The following VWCE variants were observed in gnomAD, a reference collection of about 807,000 sequenced individuals.
The protein encoded by VWCE is von Willebrand factor C and EGF domain-containing protein.
VWCE carries 68 observed loss-of-function variants against 102.9 expected under a neutral mutation model. The observed-to-expected ratio is 0.66, with a 90% confidence interval of 0.54 to 0.81. The LOEUF is 0.81. Ranked by LOEUF, VWCE falls within the 30% of genes least tolerant of loss-of-function variation. VWCE has a pLI of 0.00. For synonymous variants in VWCE, 497 were observed against 515.4 expected (o/e 0.96, Z 0.48); for missense variants, 1,137 against 1,263.6 (o/e 0.90, Z 1.52).
In VWCE at chr11:61,290,881, G is replaced by T; in HGVS notation, c.342C>A (p.Asn114Lys). The T allele has an allele frequency of 6.2e-7, 1 of 1,613,890 alleles. No homozygotes were observed. The highest frequency in any genetic ancestry group is 8.5e-7 in the Non-Finnish European group (1 of 1,180,014). Reference protein sequence around the residue: ...CGEYGCDLTCNHGGCQEVARV... With the variant: ...CGEYGCDLTCKHGGCQEVARV... ...GGGCCACCTCCTGACAGCCTCCATG[G>T]TTGCAGGTAAGGTCACAGCCGTACT... The change falls in exon 4 of 20, where the codon AAC (asparagine) becomes AAA (lysine). Residue 114 changes from asparagine (N) to lysine (K), a missense_variant. Transcript: ENST00000335613.
At position 61,271,674 on chromosome 11, in the gene VWCE, C is replaced by T. The variant is rs1334925228; in HGVS notation, c.1785+1G>A. The T allele has an allele frequency of 1.2e-6, 2 of 1,611,606 alleles. No homozygotes were observed. Among genetic ancestry groups the T allele is most frequent in the Non-Finnish European group, 1.7e-6 (2 of 1,178,924 alleles). ...CTGAAGGCGAGCAGGTTGTCATTCACCTGGCAGATGCATAACTCACAGGGG... is the reference window on the plus strand; with the variant it reads ...CTGAAGGCGAGCAGGTTGTCATTCATCTGGCAGATGCATAACTCACAGGGG... On this transcript the variant is annotated splice_donor_variant, in intron 14 of 19. Coordinates refer to ENST00000335613, the MANE Select transcript of VWCE (RefSeq NM_152718.2). LOFTEE classifies it high-confidence loss of function.
At chr11:61,289,168 A>G (rs1855422060) in intron 4 of VWCE, among the ~76,000 whole-genome samples, 1 of 152,044 alleles carries the variant, frequency 6.6e-6, no homozygotes. Context: ...CTGGTGAAAC[A>G]CTGCAAACCT....
intron 4 of VWCE, among the ~76,000 whole-genome samples, chr11:61,288,806 C>G (rs2134846873): frequency 6.6e-6 from 1 of 151,064 alleles, no homozygotes; most frequent in African/African-American, 2.4e-5. Context: ...GGGAAATAAT[C>G]AGAGAAGCTG....
chr11:61,281,244 G>C lies in VWCE; in HGVS notation c.788-9C>G. On this transcript the variant is annotated splice_polypyrimidine_tract_variant and intron_variant, in intron 7 of 19. Coordinates refer to ENST00000335613, the MANE Select transcript of VWCE (RefSeq NM_152718.2). Reference sequence around the variant, plus strand: ...CACGGCTTTCGGGAAAGCTGAAACAGAAGCACGGAGGTCTCTTGGGGTGGA... The same window carrying C: ...CACGGCTTTCGGGAAAGCTGAAACACAAGCACGGAGGTCTCTTGGGGTGGA... The C allele has an allele frequency of 6.2e-7, 1 of 1,611,948 alleles. No individual in the cohort carries two copies. Among genetic ancestry groups the C allele is most frequent in the Non-Finnish European group, 8.5e-7 (1 of 1,179,924 alleles).
chr11:61,267,747 A>G (rs1854556547), intron 15 of VWCE, among the ~76,000 whole-genome samples: 1 of 152,214 alleles, frequency 6.6e-6, no homozygotes. Context: ...CACTGGATTC[A>G]GCAAAAGGAT....
At position 61,264,150 on chromosome 11, in the gene VWCE, C is replaced by T. The variant is rs539154205; in HGVS notation, c.2230+337G>A. ...CTGAGGCAGGAGAATGGCGTGAACC[C>T]GGGAGGCGGAGCTTGCAGTGAGGTG... On this transcript the variant is annotated intron_variant, in intron 19 of 19. Transcript: ENST00000335613. Among the ~76,000 whole-genome samples, 79 of 141,090 alleles carry T rather than the reference C, an allele frequency of 5.6e-4. 1 individual carries two copies. In the South Asian group the frequency reaches 0.018, roughly 31 times the overall value. 92.6% of individuals were successfully genotyped at this position (141,090 alleles called of 152,430 possible).
chr11:61,293,005 G>C (rs1025893899), intron 1 of VWCE, among the ~76,000 whole-genome samples: 1 of 152,032 alleles, frequency 6.6e-6, no homozygotes, highest in African/African-American at 2.4e-5. Flanking sequence ...ACTTTGGGAG[G>C]CCAAGGCGGG....
chr11:61,262,159 G>C (rs935993994), intron 19 of VWCE, among the ~76,000 whole-genome samples: 1 of 152,142 alleles, frequency 6.6e-6, no homozygotes, highest in Non-Finnish European at 1.5e-5. Flanking sequence ...TCACCATGTT[G>C]GACAGGCTGG....
intron 9 of VWCE, among the ~76,000 whole-genome samples, chr11:61,278,988 G>A (rs1362653604): frequency 2.0e-5 from 3 of 151,914 alleles, no homozygotes; most frequent in East Asian, 1.9e-4. Flanking sequence ...GCAGTGAGCC[G>A]AGATCGCGCC....
Position 61,258,556 on chromosome 11 carries a change from G to A in VWCE, c.*119C>T. On this transcript the variant is annotated 3_prime_UTR_variant, in exon 20 of 20. Coordinates refer to ENST00000335613, the MANE Select transcript of VWCE (RefSeq NM_152718.2). ...TTGGGGGTCTTCCATCCTCACCAGG[G>A]CCCCTGCAGGAGGGAGCCCAGGCAT... The A allele has an allele frequency of 9.5e-7, 1 of 1,047,316 alleles. No individual in the cohort carries two copies. The highest frequency in any genetic ancestry group is 4.4e-5 in the South Asian group (1 of 22,662). The allele number at this position is 1,047,316 out of a possible 1,614,324, so 64.9% of individuals were successfully genotyped here.
intron 4 of VWCE, among the ~76,000 whole-genome samples, chr11:61,287,929 G>A (rs1590656345): frequency 1.3e-5 from 2 of 152,106 alleles, no homozygotes; most frequent in African/African-American, 4.8e-5. Flanking sequence ...GCCGAGGTGG[G>A]TGGATCACGA....
intron 6 of VWCE, among the ~76,000 whole-genome samples, chr11:61,282,238 C>T (rs1419692356): frequency 2.0e-5 from 3 of 152,316 alleles, no homozygotes; most frequent in African/African-American, 4.8e-5. Context: ...TCCACCCTCC[C>T]GTTTTTCTTT....
intron 10 of VWCE, 57 bp downstream of exon 10, chr11:61,278,337 A>C (rs1365149856): frequency 3.8e-6 from 6 of 1,587,422 alleles, no homozygotes; most frequent in Non-Finnish European, 5.2e-6. Context: ...CCTTCCTCTA[A>C]AACCCCCAAA....
At position 61,281,777 on chromosome 11, in the gene VWCE, G is replaced by A. The variant is rs546736716; in HGVS notation, c.787+9C>T. 6.2e-7 allele frequency: 1 copy of A among 1,607,586 alleles called. No homozygotes were observed. Among genetic ancestry groups the A allele is most frequent in the African/African-American group, 1.3e-5 (1 of 74,832 alleles). On this transcript the variant is annotated intron_variant, in intron 7 of 19. Coordinates refer to ENST00000335613, the MANE Select transcript of VWCE (RefSeq NM_152718.2). ...GCCAGCCGCCGGGATGGAGGGGCCT[G>A]GCGCTCACCTTCACAGGACACGCGG...
chr11:61,288,016 G>A (rs910483089), intron 4 of VWCE, among the ~76,000 whole-genome samples: 1 of 151,788 alleles, frequency 6.6e-6, no homozygotes, highest in Non-Finnish European at 1.5e-5. Context: ...AAATTAGCTG[G>A]GCATGCTGGC....
At position 61,281,181 on chromosome 11, in the gene VWCE, G is replaced by A. The variant is rs765630034; in HGVS notation, c.842C>T (p.Pro281Leu). The change falls in exon 8 of 20, where the codon CCG becomes CTG. Residue 281 changes from proline (P) to leucine (L), a missense_variant. By Grantham distance (98) the Pro-to-Leu change is moderately conservative. Around this residue, in one of 5 missense-constraint regions of VWCE, gnomAD observed 575 missense variants for 625.9 expected, o/e 0.92. Transcript: ENST00000335613. Reference protein sequence around the residue: ...PSAILQPRQHPSKMLLLLPEA... With the variant: ...PSAILQPRQHLSKMLLLLPEA... Reference sequence around the variant, plus strand: ...AGGAAGCAACAGAAGCATCTTGGACGGGTGTTGCCGGGGTTGCAGGATGGC... The same window carrying A: ...AGGAAGCAACAGAAGCATCTTGGACAGGTGTTGCCGGGGTTGCAGGATGGC... 5.0e-6 allele frequency: 8 copies of A among 1,613,286 alleles called. No individual in the cohort carries two copies. Among genetic ancestry groups the A allele is most frequent in the Non-Finnish European group, 5.9e-6 (7 of 1,180,024 alleles).
chr11:61,267,479 G>T lies in VWCE; in HGVS notation c.1948C>A (p.Leu650Met). The T allele has an allele frequency of 6.2e-7, 1 of 1,614,218 alleles. No homozygotes were observed. The highest frequency in any genetic ancestry group is 8.5e-7 in the Non-Finnish European group (1 of 1,180,032). ...GTCCATACCAGGCAGATGCAGCTCA[G>T]ACATGGGTCCAGCACAGACGGGAAG... Reference protein sequence around the residue: ...ETFPSVLDPCLSCICLLGSVA... With the variant: ...ETFPSVLDPCMSCICLLGSVA... The change falls in exon 16 of 20, where the codon CTG (leucine) becomes ATG (methionine). Residue 650 changes from leucine to methionine, a missense_variant. This residue lies in a region of VWCE where 212 missense variants were observed against 235.1 expected (regional missense o/e 0.90). Coordinates refer to ENST00000335613, the MANE Select transcript of VWCE (RefSeq NM_152718.2).
intron 7 of VWCE, 105 bp downstream of exon 7, chr11:61,281,681 G>A (rs1460430862): frequency 3.6e-6 from 5 of 1,399,284 alleles, no homozygotes; most frequent in African/African-American, 1.5e-5. Flanking sequence ...GTGGCTGGGC[G>A]CCGGGAGGGC....
At position 61,265,605 on chromosome 11, in the gene VWCE, G is replaced by A. The variant is rs756774118; in HGVS notation, c.1966-393C>T. Among the ~76,000 whole-genome samples, 26 of 152,308 alleles carry A rather than the reference G, an allele frequency of 1.7e-4. 1 individual carries two copies. Among genetic ancestry groups the A allele is most frequent in the East Asian group, 5.8e-4 (3 of 5,188 alleles). On this transcript the variant is annotated intron_variant, in intron 16 of 19. Transcript: ENST00000335613. The stretch of plus-strand genomic sequence containing the variant: ...GGTAAGTAGCTCAGGGCTGTTTACC[G>A]TGAGTTTCTCAATCTTTCTGCAGAC...
Sources: gnomAD v4.1 joint callset for allele counts (sites outside exome capture counted in the v4.1 genomes callset) on GRCh38, gnomAD v4.1.1 for gene constraint, gnomAD v4.1.1 regional missense constraint, MANE v1.5 for transcripts, NCBI Gene and HGNC (gene_info 2026-07-23, HGNC 2026-07-21) for gene names.